The following SBF2 variants were observed in gnomAD, a reference collection of about 807,000 sequenced individuals.
The protein encoded by SBF2 is SET binding factor 2.
Under a neutral mutation model 225.2 loss-of-function variants are expected in SBF2, and 112 were observed. The observed-to-expected ratio is 0.50, with a 90% CI of 0.43 to 0.58. The LOEUF (loss-of-function observed/expected upper bound fraction) is 0.58, where lower values mean the gene tolerates loss of function less well. SBF2 is among the 20% of genes least tolerant of loss of function. The probability of loss-of-function intolerance (pLI) is 0.00; values close to 1 mark genes in which losing one functional copy is unlikely to be tolerated. For missense variants in SBF2, 1,996 were observed against 2,206.2 expected (o/e 0.90, Z 1.91); for synonymous variants, 763 against 773.3 (o/e 0.99, Z 0.22).
chr11:10,300,689 C>A (rs970687395), intron 1 of SBF2, among the ~76,000 whole-genome samples: 5 of 151,994 alleles, frequency 3.3e-5, no homozygotes, highest in Non-Finnish European at 7.4e-5. Context: ...ATCATCCATT[C>A]ATTAATGCCA....
intron 16 of SBF2, among the ~76,000 whole-genome samples, chr11:9,910,167 G>T (rs544614904): frequency 6.6e-6 from 1 of 151,784 alleles, no homozygotes; most frequent in South Asian, 2.1e-4. Flanking sequence ...TGATGTTTTG[G>T]TCAATGATGG....
intron 14 of SBF2, among the ~76,000 whole-genome samples, chr11:9,967,947 G>GTCTGTCTCTCTCTC (rs57976016): frequency 3.0e-5 from 3 of 100,252 alleles, no homozygotes; most frequent in African/African-American, 1.1e-4. Flanking sequence ...CTGTCTGTCT[G>GTCTGTCTCTCTCTC]TCTCTCTCTC....
In SBF2 at chr11:9,900,054, A is replaced by C. The variant is rs529906557; in HGVS notation, c.1861-4043T>G. 1.1e-4 allele frequency among the ~76,000 whole-genome samples: 17 copies of C among 151,518 alleles called. 1 individual carries two copies. Among genetic ancestry groups the C allele is most frequent in the Admixed American group, 3.3e-4 (5 of 15,212 alleles). ...CTTTTTTTTTTTTTTTAAAAAAAAA[A>C]AACAGGATTTGGCAGGATTTTAAAC... On this transcript the variant is annotated intron_variant, in intron 16 of 39. Transcript: ENST00000256190.
chr11:9,866,380 T>C (rs1858223308), intron 17 of SBF2, among the ~76,000 whole-genome samples: 1 of 151,978 alleles, frequency 6.6e-6, no homozygotes, highest in Admixed American at 6.6e-5. Context: ...AAAAACAGAC[T>C]CATTGACTAA....
At chr11:9,844,003 T>C (rs1856362344) in intron 24 of SBF2, 1 of 152,246 alleles carries the variant, frequency 6.6e-6, no homozygotes, top group Non-Finnish European at 1.5e-5. Context: ...GCAGCTGATA[T>C]AACAGGCTTG....
chr11:10,073,654 T>C (rs1286923753), intron 2 of SBF2, among the ~76,000 whole-genome samples: 1 of 152,080 alleles, frequency 6.6e-6, no homozygotes, highest in South Asian at 2.1e-4. Context: ...GAGGCAGAGG[T>C]TGCAGTGAGC....
chr11:10,026,753 TG>T (rs1486267395), intron 6 of SBF2, among the ~76,000 whole-genome samples: 1 of 152,018 alleles, frequency 6.6e-6, no homozygotes, highest in African/African-American at 2.4e-5. Context: ...AAATTTTTTT[TG>T]TTAATTTCCA....
At chr11:10,218,603 A>G (rs930595609) in intron 1 of SBF2, among the ~76,000 whole-genome samples, 1 of 152,160 alleles carries the variant, frequency 6.6e-6, no homozygotes, top group African/African-American at 2.4e-5. Flanking sequence ...ACGAGCCTGT[A>G]AAATCAAAAG....
chr11:10,088,581 G>A (rs756530976), intron 2 of SBF2, among the ~76,000 whole-genome samples: 1 of 152,194 alleles, frequency 6.6e-6, no homozygotes, highest in Admixed American at 6.5e-5. Flanking sequence ...AACATGTGCA[G>A]AGACTACATG....
intron 1 of SBF2, among the ~76,000 whole-genome samples, chr11:10,211,148 G>A (rs1250788655): frequency 1.3e-5 from 2 of 151,500 alleles, no homozygotes; most frequent in African/African-American, 2.4e-5. Flanking sequence ...TCATGTCACT[G>A]GTATCCAGTA....
At chr11:9,928,955 T>C in intron 16 of SBF2, 1 of 464,782 alleles carries the variant, frequency 2.2e-6, no homozygotes, top group South Asian at 1.7e-5. Flanking sequence ...TCAAAACGGG[T>C]CATAAAGCAG....
At chr11:10,200,985 A>G (rs1241380107) in intron 1 of SBF2, among the ~76,000 whole-genome samples, 1 of 152,238 alleles carries the variant, frequency 6.6e-6, no homozygotes, top group East Asian at 1.9e-4. Flanking sequence ...TATACACATT[A>G]CTGACACTGG....
intron 1 of SBF2, among the ~76,000 whole-genome samples, chr11:10,218,630 C>A (rs117124048): frequency 5.9e-5 from 9 of 152,222 alleles, no homozygotes; most frequent in East Asian, 5.8e-4. Context: ...AGTTACTTCC[C>A]AGATACAACG....
chr11:10,021,487 C>A (rs1948856286), intron 6 of SBF2, among the ~76,000 whole-genome samples: 1 of 151,872 alleles, frequency 6.6e-6, no homozygotes, highest in Non-Finnish European at 1.5e-5. Flanking sequence ...AAACACAAGA[C>A]AGTAAACAAG....
intron 16 of SBF2, among the ~76,000 whole-genome samples, chr11:9,897,585 T>A (rs1250250948): frequency 6.6e-6 from 1 of 152,134 alleles, no homozygotes; most frequent in African/African-American, 2.4e-5. Flanking sequence ...GTGGCCAGAA[T>A]CCAGAATAGT....
rs76836991 is a variant in SBF2, at chr11:9,997,022, C to G, written c.975+1244G>C. Among the ~76,000 whole-genome samples, 1,032 of 152,298 alleles carry G rather than the reference C, an allele frequency of 6.8e-3. 19 individuals are homozygous for G. The highest frequency in any genetic ancestry group is 0.023 in the African/African-American group (955 of 41,560). Reference sequence around the variant, plus strand: ...TTGCACTCTATCACATCTTGCATTTCAGATTACAAATTATATAAGGAAAAG... The same window carrying G: ...TTGCACTCTATCACATCTTGCATTTGAGATTACAAATTATATAAGGAAAAG... On this transcript the variant is annotated intron_variant, in intron 9 of 39. Transcript: ENST00000256190.
intron 6 of SBF2, among the ~76,000 whole-genome samples, chr11:10,008,740 G>T (rs1948308050): frequency 6.6e-6 from 1 of 152,238 alleles, no homozygotes. Flanking sequence ...TCCTGGGAGA[G>T]AATCCTTTGT....
In SBF2 at chr11:9,983,502, A is replaced by G. The variant is rs190698765; in HGVS notation, c.1395+5995T>C. 2.1e-3 allele frequency among the ~76,000 whole-genome samples: 322 copies of G among 152,276 alleles called. 1 individual carries two copies. The highest frequency in any genetic ancestry group is 3.7e-3 in the Non-Finnish European group (251 of 68,020). On this transcript the variant is annotated intron_variant, in intron 13 of 39. Coordinates refer to ENST00000256190, the MANE Select transcript of SBF2 (RefSeq NM_030962.4). ...ATGGTCCTTCCCTATCCACCCTGGT[A>G]GCAGAAGACAAAGGGCATATTATCT...
chr11:9,984,989 A>G (rs1275322576), intron 13 of SBF2, among the ~76,000 whole-genome samples: 2 of 152,238 alleles, frequency 1.3e-5, no homozygotes, highest in Non-Finnish European at 2.9e-5. Context: ...TTTAAAGCAT[A>G]AATCACACGG....
Sources: allele counts gnomAD v4.1 joint callset (sites outside exome capture counted in the v4.1 genomes callset), GRCh38; gene constraint gnomAD v4.1.1; transcripts MANE v1.5; gene names NCBI Gene and HGNC (gene_info 2026-07-23, HGNC 2026-07-21).